The following CTNNBL1 variants were observed in gnomAD, a reference collection of about 807,000 sequenced individuals.
CTNNBL1 encodes the protein catenin beta like 1.
Under a neutral mutation model 72.7 loss-of-function variants are expected in CTNNBL1, and 31 were observed. That is an observed-to-expected ratio of 0.43 (90% CI 0.32 to 0.58). The LOEUF is 0.58. CTNNBL1 is among the 20% of genes least tolerant of loss of function. CTNNBL1 has a pLI of 0.08. For synonymous variants in CTNNBL1, 240 were observed against 267.3 expected (o/e 0.90, Z 1.00); for missense variants, 534 against 725.1 (o/e 0.74, Z 3.03).
chr20:37,739,228 C>G (rs1344195244), intron 3 of CTNNBL1, among the ~76,000 whole-genome samples: 1 of 152,116 alleles, frequency 6.6e-6, no homozygotes, highest in African/African-American at 2.4e-5. Context: ...TTCCATTCCT[C>G]TGCCTAGAGG....
At chr20:37,744,703 C>T (rs2073247262) in intron 3 of CTNNBL1, 2 of 152,272 alleles carry the variant, frequency 1.3e-5, no homozygotes, top group Middle Eastern at 3.4e-3. Context: ...GGACCCATAG[C>T]AGTTTGTCAG....
chr20:37,753,085 C>T (rs2073334884), intron 4 of CTNNBL1, among the ~76,000 whole-genome samples: 2 of 152,040 alleles, frequency 1.3e-5, no homozygotes, highest in South Asian at 4.2e-4. Flanking sequence ...GATTCTCATT[C>T]CTCTTTCTGG....
chr20:37,735,052 A>C (rs1021017854), intron 2 of CTNNBL1, among the ~76,000 whole-genome samples: 1 of 152,226 alleles, frequency 6.6e-6, no homozygotes, highest in Non-Finnish European at 1.5e-5. Context: ...ATTTTAGTTA[A>C]ATTCTAGTGG....
At chr20:37,730,256 G>T (rs2073118118) in intron 1 of CTNNBL1, among the ~76,000 whole-genome samples, 1 of 152,194 alleles carries the variant, frequency 6.6e-6, no homozygotes, top group African/African-American at 2.4e-5. Context: ...CTTTTGTTTG[G>T]TAGTAACATA....
chr20:37,859,545 C>T (rs1203107656), intron 13 of CTNNBL1, among the ~76,000 whole-genome samples: 1 of 151,308 alleles, frequency 6.6e-6, no homozygotes, highest in African/African-American at 2.4e-5. Flanking sequence ...GAGGCCCAAA[C>T]CAAAGAGTGA....
At position 37,757,712 on chromosome 20, in the gene CTNNBL1, A is replaced by G; in HGVS notation, c.564+56A>G. ...GTTTGTATAAGTTGTTGGCATTGCC[A>G]CCACCATCGTCTCGGAGAGTGGCCA... On this transcript the variant is annotated intron_variant, in intron 5 of 15. Coordinates refer to ENST00000361383, the MANE Select transcript of CTNNBL1 (RefSeq NM_030877.5). 6 of 1,341,516 alleles carry G rather than the reference A, an allele frequency of 4.5e-6. No individual in the cohort carries two copies. In the Admixed American group the frequency reaches 8.6e-5, roughly 19 times the overall value. The allele number at this position is 1,341,516 out of a possible 1,614,324, so 83.1% of individuals were successfully genotyped here.
intron 3 of CTNNBL1, 41 bp from the exon 4 acceptor site, chr20:37,746,427 G>C: frequency 6.3e-7 from 1 of 1,598,096 alleles, no homozygotes; most frequent in Non-Finnish European, 8.5e-7. Flanking sequence ...ATTGCTGATA[G>C]TGCCCCTTTC....
At chr20:37,774,537 A>T (rs530233668) in intron 7 of CTNNBL1, among the ~76,000 whole-genome samples, 9 of 152,360 alleles carry the variant, frequency 5.9e-5, no homozygotes, top group African/African-American at 1.7e-4. Flanking sequence ...ATTTTAATTT[A>T]AAAATGATGA....
intron 10 of CTNNBL1, among the ~76,000 whole-genome samples, chr20:37,797,765 T>C (rs1471853704): frequency 1.3e-5 from 2 of 152,190 alleles, no homozygotes; most frequent in African/African-American, 4.8e-5. Context: ...TAATCTTTCT[T>C]ATACACAAAA....
chr20:37,756,423 C>T, intron 4 of CTNNBL1: 1 of 148,404 alleles, frequency 6.7e-6, no homozygotes, highest in Non-Finnish European at 1.5e-5. Context: ...TCTCTCTCTC[C>T]CCCGTTGTGT....
chr20:37,741,444 A>G (rs1251514387), intron 3 of CTNNBL1, among the ~76,000 whole-genome samples: 1 of 152,236 alleles, frequency 6.6e-6, no homozygotes, highest in African/African-American at 2.4e-5. Flanking sequence ...ATAGGAAGAT[A>G]AGGAAATCAG....
intron 7 of CTNNBL1, among the ~76,000 whole-genome samples, chr20:37,772,452 C>T (rs933425251): frequency 2.0e-5 from 3 of 152,168 alleles, no homozygotes; most frequent in Non-Finnish European, 2.9e-5. Flanking sequence ...GGGTTCACGC[C>T]ATTCTCCTGC....
intron 11 of CTNNBL1, among the ~76,000 whole-genome samples, chr20:37,805,894 A>G (rs912210561): frequency 6.6e-6 from 1 of 152,198 alleles, no homozygotes; most frequent in African/African-American, 2.4e-5. Flanking sequence ...GATGCACAGT[A>G]AATGTTTCTT....
chr20:37,779,118 T>C, intron 9 of CTNNBL1, 69 bp from the exon 10 acceptor site: 1 of 1,507,134 alleles, frequency 6.6e-7, no homozygotes, highest in Non-Finnish European at 9.1e-7. Flanking sequence ...TTTTAGGAAT[T>C]GTTGGATGGA....
At chr20:37,705,826 T>C (rs545262035) in intron 1 of CTNNBL1, among the ~76,000 whole-genome samples, 1 of 152,290 alleles carries the variant, frequency 6.6e-6, no homozygotes, top group Non-Finnish European at 1.5e-5. Context: ...TGTAGAGAAA[T>C]TGGAATCAGG....
At chr20:37,709,534 A>G (rs1377752423) in intron 1 of CTNNBL1, among the ~76,000 whole-genome samples, 1 of 152,222 alleles carries the variant, frequency 6.6e-6, no homozygotes, top group Non-Finnish European at 1.5e-5. Flanking sequence ...GTTATCTTTT[A>G]GCAGACGCTC....
intron 7 of CTNNBL1, among the ~76,000 whole-genome samples, chr20:37,776,491 G>A (rs1029339207): frequency 6.6e-6 from 1 of 152,202 alleles, no homozygotes; most frequent in Non-Finnish European, 1.5e-5. Flanking sequence ...AAAGGTTGCT[G>A]CTGATTAATA....
chr20:37,733,623 C>T (rs944488026), intron 2 of CTNNBL1, among the ~76,000 whole-genome samples: 2 of 152,124 alleles, frequency 1.3e-5, no homozygotes, highest in Non-Finnish European at 2.9e-5. Flanking sequence ...TTGGAATGCT[C>T]GTCTCCCTTA....
intron 10 of CTNNBL1, among the ~76,000 whole-genome samples, chr20:37,783,988 C>T (rs1226864457): frequency 1.3e-5 from 2 of 152,108 alleles, no homozygotes; most frequent in African/African-American, 4.8e-5. Context: ...CTGTCTCTCC[C>T]TTTAGCTCTA....
Sources: allele counts gnomAD v4.1 joint callset (sites outside exome capture counted in the v4.1 genomes callset), GRCh38; gene constraint gnomAD v4.1.1; transcripts MANE v1.5; gene names NCBI Gene and HGNC (gene_info 2026-07-23, HGNC 2026-07-21).